The following BBS7 variants were observed in gnomAD, a reference collection of about 807,000 sequenced individuals.
BBS7 encodes the protein Bardet-Biedl syndrome 7.
BBS7 carries 50 observed loss-of-function variants against 90.3 expected under a neutral mutation model. The ratio of observed to expected loss-of-function variants is 0.55; its 90% CI spans 0.44 to 0.70. The LOEUF (loss-of-function observed/expected upper bound fraction) is 0.70. Among genes scored for constraint, BBS7 ranks in the 30% least tolerant of loss-of-function variants. BBS7 has a pLI of 0.00. For synonymous variants in BBS7, 235 were observed against 287.4 expected (o/e 0.82, Z 1.85); for missense variants, 729 against 838.9 (o/e 0.87, Z 1.62).
Position 121,866,687 on chromosome 4 carries a change from C to T in BBS7, c.102+1294G>A, listed in dbSNP as rs115401015. ...CAGCACCATTTATTGAAGAGGCTGT[C>T]CTTTCCCCAGGGGCTGTTCTTGGCT... On this transcript the variant is annotated intron_variant, in intron 2 of 18. Coordinates refer to ENST00000264499, the MANE Select transcript of BBS7 (RefSeq NM_176824.3). 6.9e-3 allele frequency among the ~76,000 whole-genome samples: 1,058 copies of T among 152,282 alleles called. 10 individuals carry two copies. The highest frequency in any genetic ancestry group is 0.025 in the African/African-American group (1,019 of 41,562).
rs370359920 is a variant in BBS7, at chr4:121,836,420, C to A, written c.1372-1137G>T. ...CAGGTGTGTTTCTTTTCATACATTTCTTCATATTTATATCATTATAGATAA... is the reference window on the plus strand; with the variant it reads ...CAGGTGTGTTTCTTTTCATACATTTATTCATATTTATATCATTATAGATAA... On this transcript the variant is annotated intron_variant, in intron 13 of 18. Coordinates refer to ENST00000264499, the MANE Select transcript of BBS7 (RefSeq NM_176824.3). Among the ~76,000 whole-genome samples, 36 of 152,158 alleles carry A rather than the reference C, an allele frequency of 2.4e-4. 1 individual carries two copies. The highest frequency in any genetic ancestry group is 2.3e-3 in the South Asian group (11 of 4,822).
intron 15 of BBS7, among the ~76,000 whole-genome samples, chr4:121,829,906 G>A (rs13152701): frequency 0.3 from 45,479 of 152,124 alleles, 8,301 homozygotes; most frequent in East Asian, 0.44. Flanking sequence ...CCAGTTGTGC[G>A]TGAGGCAGAT....
intron 14 of BBS7, among the ~76,000 whole-genome samples, chr4:121,833,623 T>C (rs2149054695): frequency 1.3e-5 from 2 of 152,336 alleles, no homozygotes; most frequent in African/African-American, 4.8e-5. Flanking sequence ...AAGTGATATA[T>C]GTAAACAGGT....
chr4:121,849,081 T>A (rs1333880743), intron 8 of BBS7, among the ~76,000 whole-genome samples, 153 bp from the exon 9 acceptor site: 1 of 152,216 alleles, frequency 6.6e-6, no homozygotes, highest in African/African-American at 2.4e-5. Flanking sequence ...AGACAAAATA[T>A]CTTGAACAAA....
intron 1 of BBS7, among the ~76,000 whole-genome samples, chr4:121,869,849 T>C (rs1418050883): frequency 6.6e-6 from 1 of 152,168 alleles, no homozygotes. Flanking sequence ...CGGTTTTCAT[T>C]GCTTTTACCA....
At chr4:121,828,068 C>A (rs1560637705) in intron 18 of BBS7, 78 bp downstream of exon 18, 1 of 1,589,134 alleles carries the variant, frequency 6.3e-7, no homozygotes, top group Non-Finnish European at 8.5e-7. Context: ...TCTTTCTGCC[C>A]AGCTTCTCTT....
At chr4:121,857,939 T>G (rs1726770777) in intron 5 of BBS7, among the ~76,000 whole-genome samples, 1 of 151,512 alleles carries the variant, frequency 6.6e-6, no homozygotes, top group African/African-American at 2.4e-5. Flanking sequence ...CCTGAGTAAC[T>G]GGGATTACAG....
rs937719485 is a variant in BBS7 at position 121,855,493 on chromosome 4, A to G, written c.597T>C (p.Asn199=). 1 of 1,613,262 alleles carries G rather than the reference A, an allele frequency of 6.2e-7. No homozygotes were observed. Among genetic ancestry groups the G allele is most frequent in the Non-Finnish European group, 8.5e-7 (1 of 1,179,360 alleles). Residue 199 remains asparagine, a synonymous_variant, in exon 6 of 19, where the codon AAT becomes AAC. Coordinates refer to ENST00000264499, the MANE Select transcript of BBS7 (RefSeq NM_176824.3). ...PPTVLALHNG[N]GGDSGEDLLF... ...GAAAAATAAAATCCTGATTACCGCCATTTCCATTGTGTAGTGCTAAGACAG... is the reference window on the plus strand; with the variant it reads ...GAAAAATAAAATCCTGATTACCGCCGTTTCCATTGTGTAGTGCTAAGACAG...
chr4:121,855,359 G>T, intron 6 of BBS7, 130 bp downstream of exon 6: 2 of 846,226 alleles, frequency 2.4e-6, no homozygotes, highest in South Asian at 2.7e-5. Context: ...AATAACTCGT[G>T]CTGTTAGTTA....
chr4:121,847,736 A>C (rs564397167), intron 9 of BBS7, among the ~76,000 whole-genome samples: 25 of 152,088 alleles, frequency 1.6e-4, no homozygotes, highest in African/African-American at 5.8e-4. Context: ...TTTTTGCCTG[A>C]AATACTGTAA....
rs1724817220 is a variant in BBS7, at chr4:121,824,538, T to A, written c.*1322A>T. On this transcript the variant is annotated 3_prime_UTR_variant, in exon 19 of 19. Coordinates refer to ENST00000264499, the MANE Select transcript of BBS7 (RefSeq NM_176824.3). The surrounding 1 kb of genome is among the most constrained non-coding windows in gnomAD (Gnocchi z 4.1). ...GATGCAATTAATTTAAGATGGCACC[T>A]TGAACTACTGTTGATATATATAATA... 1 of 152,206 alleles carries A rather than the reference T, an allele frequency of 6.6e-6. No homozygotes were observed. The highest frequency in any genetic ancestry group is 1.5e-5 in the Non-Finnish European group (1 of 68,038). The allele number at this position is 152,206 out of a possible 1,614,324, so 9.4% of individuals were successfully genotyped here. A position where few individuals can be genotyped will look rare whatever the true frequency, so the allele number is the denominator to read the frequency against.
At chr4:121,826,989 C>A (rs1001215799) in intron 18 of BBS7, among the ~76,000 whole-genome samples, 2 of 151,934 alleles carry the variant, frequency 1.3e-5, no homozygotes, top group Non-Finnish European at 2.9e-5. Context: ...TCTCAAAAAA[C>A]AAACAAACAA....
intron 4 of BBS7, among the ~76,000 whole-genome samples, chr4:121,859,448 ATTTAACT>A: frequency 6.6e-6 from 1 of 152,244 alleles, no homozygotes; most frequent in Non-Finnish European, 1.5e-5. Flanking sequence ...GATAATGATA[ATTTAACT>A]GTCTATATCC....
At chr4:121,844,805 G>A (rs938559336) in intron 11 of BBS7, among the ~76,000 whole-genome samples, 2 of 151,978 alleles carry the variant, frequency 1.3e-5, no homozygotes, top group African/African-American at 4.8e-5. Context: ...TTGGGTTAAT[G>A]AGCAAGCTGT....
intron 13 of BBS7, among the ~76,000 whole-genome samples, chr4:121,835,690 T>C (rs1287025539): frequency 6.6e-6 from 1 of 152,102 alleles, no homozygotes; most frequent in Non-Finnish European, 1.5e-5. Flanking sequence ...AAAAAATAGA[T>C]CTGATAAACT....
intron 1 of BBS7, among the ~76,000 whole-genome samples, chr4:121,868,964 T>C (rs1727440952): frequency 6.6e-6 from 1 of 152,168 alleles, no homozygotes; most frequent in Non-Finnish European, 1.5e-5. Context: ...AGTCATCTGC[T>C]TAGATTTGTA....
intron 15 of BBS7, among the ~76,000 whole-genome samples, chr4:121,829,937 A>C (rs1309877520): frequency 6.6e-6 from 1 of 152,198 alleles, no homozygotes; most frequent in Non-Finnish European, 1.5e-5. Flanking sequence ...CTTTTAAGTT[A>C]TGTGAGCCGA....
intron 5 of BBS7, among the ~76,000 whole-genome samples, chr4:121,856,126 C>A (rs1385104697): frequency 6.6e-6 from 1 of 152,152 alleles, no homozygotes; most frequent in Non-Finnish European, 1.5e-5. Flanking sequence ...TCTAGGTTAA[C>A]TGGAAGTCTT....
intron 1 of BBS7, among the ~76,000 whole-genome samples, chr4:121,868,989 A>G (rs942407434): frequency 2.0e-5 from 3 of 152,180 alleles, no homozygotes; most frequent in South Asian, 2.1e-4. Context: ...TGAAACATCA[A>G]TCTAGCAAGT....
Sources: gnomAD v4.1 joint callset for allele counts (sites outside exome capture counted in the v4.1 genomes callset) on GRCh38, gnomAD v4.1.1 for gene constraint, Gnocchi (gnomAD v3.1) non-coding constraint, MANE v1.5 for transcripts, NCBI Gene and HGNC (gene_info 2026-07-23, HGNC 2026-07-21) for gene names.